PDPR: variants seen among roughly 807,000 people sequenced by gnomAD.
PDPR encodes the protein pyruvate dehydrogenase phosphatase regulatory subunit.
In PDPR, 50 loss-of-function variants were observed where a neutral mutation model predicts 102.2. The observed-to-expected ratio is 0.49, with a 90% CI of 0.39 to 0.62. The LOEUF (loss-of-function observed/expected upper bound fraction) is 0.62. Ranked by LOEUF, PDPR falls within the 20% of genes least tolerant of loss-of-function variation. PDPR has a pLI of 0.00. For synonymous variants in PDPR, 259 were observed against 406.0 expected, an observed-to-expected ratio of 0.64 and a Z score of 4.35; for missense variants, 625 against 1,098.2, an observed-to-expected ratio of 0.57 and a Z score of 6.09.
At chr16:70,136,610 T>C (rs1965167049) in intron 10 of PDPR, among the ~76,000 whole-genome samples, 3 of 152,210 alleles carry the variant, frequency 2.0e-5, no homozygotes, top group African/African-American at 4.8e-5. Flanking sequence ...AACTCATCTT[T>C]TGGAGTTAGC....
At chr16:70,162,662 G>C (rs1967899920), downstream of PDPR, 1 of 152,868 alleles carries the variant, frequency 6.5e-6, no homozygotes, top group African/African-American at 2.4e-5. Flanking sequence ...AGGATTTGGG[G>C]ACGGGGGTAG....
chr16:70,122,080 G>A (rs1345653151), intron 3 of PDPR, among the ~76,000 whole-genome samples: 1 of 152,238 alleles, frequency 6.6e-6, no homozygotes, highest in African/African-American at 2.4e-5. Context: ...TCCGCCTCCT[G>A]GGTTCAAGCA....
intron 10 of PDPR, 132 bp from the exon 11 acceptor site, chr16:70,138,767 A>G: frequency 6.5e-7 from 1 of 1,530,476 alleles, no homozygotes; most frequent in East Asian, 2.6e-5. Context: ...AAAGTTAAGG[A>G]AAGTGCCCAA....
At chr16:70,117,315 C>T (rs1469434805) in intron 2 of PDPR, among the ~76,000 whole-genome samples, 1 of 132,726 alleles carries the variant, frequency 7.5e-6, no homozygotes, top group African/African-American at 2.8e-5. Context: ...GAGATTGAGA[C>T]CATCCTGGCT....
At chr16:70,131,762 C>T (rs374869743) in intron 8 of PDPR, 12 of 985,378 alleles carry the variant, frequency 1.2e-5, no homozygotes, top group African/African-American at 5.2e-5. Context: ...TAGGTGGGTT[C>T]GTGGTTCCAA....
chr16:70,126,584 C>G (rs772527478), intron 3 of PDPR, among the ~76,000 whole-genome samples: 8 of 152,242 alleles, frequency 5.3e-5, no homozygotes, highest in Non-Finnish European at 1.2e-4. Flanking sequence ...AAGATGGTTT[C>G]GATCTCCTGA....
chr16:70,114,075 G>C (rs1358526073), upstream of PDPR: 1 of 152,216 alleles, frequency 6.6e-6, no homozygotes, highest in Non-Finnish European at 1.5e-5. Flanking sequence ...CCGAGGCCCC[G>C]GTTCTAAAAC....
chr16:70,148,012 C>T (rs1966377521), intron 16 of PDPR, among the ~76,000 whole-genome samples: 1 of 152,238 alleles, frequency 6.6e-6, no homozygotes, highest in African/African-American at 2.4e-5. Context: ...AATCAGAAGC[C>T]CATCTTTGAC....
At chr16:70,130,242 C>T (rs1163435741) in intron 6 of PDPR, among the ~76,000 whole-genome samples, 181 bp from the exon 7 acceptor site, 5 of 152,260 alleles carry the variant, frequency 3.3e-5, no homozygotes, top group African/African-American at 4.8e-5. Context: ...GAGCCAAGAT[C>T]GCACGACTAC....
rs1311730121 is a variant in PDPR, at chr16:70,160,924, A to G, written c.*4045A>G. ...CATTTCCTGGCATTTGCCTGAGTCT[A>G]CACCACTTTTTGAGAACCTGAAATA... is the stretch of plus-strand genomic sequence containing the variant. On this transcript the variant is annotated 3_prime_UTR_variant, in exon 19 of 19. Coordinates refer to ENST00000288050, the MANE Select transcript of PDPR (RefSeq NM_017990.5). 4 of 152,522 alleles carry G rather than the reference A, an allele frequency of 2.6e-5. No homozygotes were observed. The highest frequency in any genetic ancestry group is 4.8e-5 in the African/African-American group (2 of 41,472). The allele number at this position is 152,522 out of a possible 1,614,324, so 9.4% of individuals were successfully genotyped here.
intron 2 of PDPR, among the ~76,000 whole-genome samples, chr16:70,119,298 C>T (rs1169791055): frequency 6.6e-6 from 1 of 152,108 alleles, no homozygotes. Flanking sequence ...CGCTCTCCAC[C>T]ATGGAGCCAG....
intron 17 of PDPR, among the ~76,000 whole-genome samples, chr16:70,148,939 G>C (rs1320595940): frequency 6.6e-6 from 1 of 151,278 alleles, no homozygotes; most frequent in Non-Finnish European, 1.5e-5. Flanking sequence ...CTTTTGCCCA[G>C]GGTGGAGTGC....
At chr16:70,138,739 A>ATG (rs1195256682) in intron 10 of PDPR, among the ~76,000 whole-genome samples, 160 bp from the exon 11 acceptor site, 103 of 152,364 alleles carry the variant, frequency 6.8e-4, no homozygotes, top group African/African-American at 2.1e-3. Flanking sequence ...ACACAGACCC[A>ATG]TGTTCGTTTC....
intron 3 of PDPR, among the ~76,000 whole-genome samples, chr16:70,126,928 T>G (rs545625168): frequency 3.9e-5 from 6 of 152,376 alleles, no homozygotes; most frequent in African/African-American, 1.4e-4. Flanking sequence ...CACTGCAACC[T>G]CTACCTTTTG....
intron 14 of PDPR, among the ~76,000 whole-genome samples, 193 bp from the exon 15 acceptor site, chr16:70,144,228 C>T (rs1276168365): frequency 6.0e-5 from 9 of 148,934 alleles, no homozygotes; most frequent in Admixed American, 2.7e-4. Context: ...AATTTCTTGG[C>T]ATTAACAGGA....
chr16:70,115,123 CT>C, intron 2 of PDPR, among the ~76,000 whole-genome samples, 193 bp downstream of exon 2: 2 of 151,262 alleles, frequency 1.3e-5, no homozygotes, highest in East Asian at 1.9e-4. Flanking sequence ...TTTCTTTTTT[CT>C]TTTTTTTTCT....
chr16:70,131,298 G>T lies in PDPR; in HGVS notation c.730-4G>T. ...CACCCACAAATCAACCTGTCCATTT[G>T]TAGTGGGCATACGAGCTGGGTCTGT... On this transcript the variant is annotated splice_polypyrimidine_tract_variant and splice_region_variant and intron_variant, in intron 7 of 18. Transcript: ENST00000288050. 1 of 1,503,898 alleles carries T rather than the reference G, an allele frequency of 6.6e-7. No homozygotes were observed. 93.2% of individuals were successfully genotyped at this position (1,503,898 alleles called of 1,614,324 possible).
chr16:70,124,238 CTGTAAT>C (rs1169950976), intron 3 of PDPR, among the ~76,000 whole-genome samples: 6 of 152,030 alleles, frequency 3.9e-5, no homozygotes, highest in Admixed American at 1.3e-4. Context: ...TGGCATAAGC[CTGTAAT>C]TGTAGCTACT....
rs776831780 is a variant in PDPR at position 70,156,544 on chromosome 16, A to T, written c.2305A>T (p.Met769Leu). The T allele has an allele frequency of 3.1e-6, 5 of 1,614,064 alleles. No homozygotes were observed. The highest frequency in any genetic ancestry group is 1.7e-5 in the Admixed American group (1 of 60,024). ...GAATGGAGTGTATAAACGCCTCACCATGTTCATCCTGGACGACCATGATTC... is the reference window on the plus strand; with the variant it reads ...GAATGGAGTGTATAAACGCCTCACCTTGTTCATCCTGGACGACCATGATTC... ...KQNGVYKRLT[M>L]FILDDHDSDL... The change falls in exon 19 of 19, where the codon ATG becomes TTG. Residue 769 changes from methionine (M) to leucine (L), a missense_variant. Physicochemically the swap from Met to Leu is conservative, Grantham distance 15 (BLOSUM62 2). Transcript: ENST00000288050.
Sources: allele counts gnomAD v4.1 joint callset (sites outside exome capture counted in the v4.1 genomes callset), GRCh38; gene constraint gnomAD v4.1.1; transcripts MANE v1.5; gene names NCBI Gene and HGNC (gene_info 2026-07-23, HGNC 2026-07-21).